The following NEURL3 variants were observed in gnomAD, a reference collection of about 807,000 sequenced individuals.
The protein encoded by NEURL3 is neuralized E3 ubiquitin protein ligase 3, also known as E3 ubiquitin-protein ligase NEURL3.
In NEURL3, 19 loss-of-function variants were observed where a neutral mutation model predicts 17.6. The ratio of observed to expected loss-of-function variants is 1.08; its 90% CI spans 0.75 to 1.58. NEURL3 has a LOEUF of 1.58. NEURL3 is among the 40% of genes most tolerant of loss of function. The pLI, the probability that NEURL3 is intolerant of heterozygous loss-of-function variation, is 0.00. For missense variants in NEURL3, 342 were observed against 379.6 expected, an observed-to-expected ratio of 0.90 and a Z score of 0.82; for synonymous variants, 180 against 161.4, an observed-to-expected ratio of 1.11 and a Z score of -0.87.
At chr2:96,507,604 G>A (rs982188201), upstream of NEURL3, among the ~76,000 whole-genome samples, 1 of 152,118 alleles carries the variant, frequency 6.6e-6, no homozygotes, top group African/African-American at 2.4e-5. Flanking sequence ...AGCTGGGACT[G>A]TGGCGCTCTC....
upstream of NEURL3, among the ~76,000 whole-genome samples, chr2:96,506,725 A>G (rs907125383): frequency 3.3e-5 from 5 of 152,250 alleles, no homozygotes; most frequent in African/African-American, 1.2e-4. Context: ...TTGTTAATAA[A>G]TCACACTCTC....
At chr2:96,499,319 C>A in intron 3 of NEURL3, 59 bp downstream of exon 3, 2 of 1,588,372 alleles carry the variant, frequency 1.3e-6, no homozygotes, top group African/African-American at 1.3e-5. Context: ...TGGGGCTTCT[C>A]CCTCCACTCC....
At chr2:96,507,575 C>T (rs1023615350), upstream of NEURL3, among the ~76,000 whole-genome samples, 5 of 152,238 alleles carry the variant, frequency 3.3e-5, no homozygotes, top group African/African-American at 1.2e-4. Context: ...AGCAACTCTC[C>T]TGCCTCAGCC....
chr2:96,502,385 G>A (rs2065517720), intron 1 of NEURL3, among the ~76,000 whole-genome samples: 1 of 152,224 alleles, frequency 6.6e-6, no homozygotes, highest in Admixed American at 6.5e-5. Flanking sequence ...CTCCATGGAG[G>A]GCAGTGGGAT....
At chr2:96,504,962 G>A (rs1443986351) in intron 1 of NEURL3, among the ~76,000 whole-genome samples, 1 of 151,818 alleles carries the variant, frequency 6.6e-6, no homozygotes, top group Non-Finnish European at 1.5e-5. Flanking sequence ...GTGGCCTCAG[G>A]TGAGGCTTGC....
chr2:96,499,482 G>C, intron 2 of NEURL3, 33 bp from the exon 3 acceptor site: 3 of 1,587,224 alleles, frequency 1.9e-6, no homozygotes, highest in African/African-American at 1.3e-5. Context: ...GGTCCAGGAC[G>C]GCAAGCCCAG....
chr2:96,505,319 T>C lies in NEURL3; in HGVS notation c.-33A>G. 1 of 1,598,800 alleles carries C rather than the reference T, an allele frequency of 6.3e-7. No individual in the cohort carries two copies. The highest frequency in any genetic ancestry group is 8.5e-7 in the Non-Finnish European group (1 of 1,179,596). The stretch of plus-strand genomic sequence containing the variant: ...AGGTCCTCGGGCACAGGTCCCCAGG[T>C]CTAGAAGGAACTGCCTGGAGAAGGC... On this transcript the variant is annotated 5_prime_UTR_variant, in exon 1 of 4. Coordinates refer to ENST00000451794, the MANE Select transcript of NEURL3 (RefSeq NM_001285485.2).
intron 1 of NEURL3, among the ~76,000 whole-genome samples, chr2:96,503,051 G>A (rs2065525194): frequency 6.6e-6 from 1 of 152,192 alleles, no homozygotes; most frequent in African/African-American, 2.4e-5. Flanking sequence ...TACCCTCTAG[G>A]CAGGTGCCCG....
intron 3 of NEURL3, chr2:96,499,128 T>A: frequency 8.0e-7 from 1 of 1,245,376 alleles, no homozygotes; most frequent in Non-Finnish European, 1.0e-6. Flanking sequence ...TGAATGTGGA[T>A]GATTTTTTAA....
Position 96,500,821 on chromosome 2 carries a change from G to T in NEURL3, c.132C>A (p.Phe44Leu), listed in dbSNP as rs777054785. The stretch of plus-strand genomic sequence containing the variant: ...GCTGGCTGAACACGATGCCGTCGTG[G>T]AACGTGGTGCGCCTGTGCGCGATGC... ...RGCIAHRRTT[F>L]HDGIVFSQRP... is the part of the protein sequence containing the mutation. Residue 44 changes from phenylalanine to leucine, a missense_variant, in exon 2 of 4, where the codon TTC (phenylalanine) becomes TTA (leucine). By Grantham distance (22) the Phe-to-Leu change is conservative (BLOSUM62 0). Coordinates refer to ENST00000451794, the MANE Select transcript of NEURL3 (RefSeq NM_001285485.2). 6.5e-7 allele frequency: 1 copy of T among 1,528,652 alleles called. No individual in the cohort carries two copies. Among genetic ancestry groups the T allele is most frequent in the East Asian group, 2.5e-5 (1 of 40,588 alleles). The allele number at this position is 1,528,652 out of a possible 1,614,324, so 94.7% of individuals were successfully genotyped here.
chr2:96,505,506 CG>C (rs1007532825), upstream of NEURL3: 5 of 599,478 alleles, frequency 8.3e-6, no homozygotes, highest in African/African-American at 9.3e-5. Context: ...TGGAGCTGGC[CG>C]GCCTAAGAGA....
At chr2:96,504,356 G>A (rs892001522) in intron 1 of NEURL3, among the ~76,000 whole-genome samples, 5 of 152,190 alleles carry the variant, frequency 3.3e-5, no homozygotes, top group South Asian at 4.1e-4. Flanking sequence ...GGATCCCAGC[G>A]CTGCTCCTGG....
In NEURL3 at chr2:96,498,432, C is replaced by T. The variant is rs564710687; in HGVS notation, c.601G>A (p.Glu201Lys). The T allele has an allele frequency of 7.3e-5, 117 of 1,597,344 alleles. 1 individual carries two copies. The South Asian group carries it at 1.2e-3, about 16-fold the overall frequency. Reference protein sequence around the residue: ...VPEPKATPGEECAICFYHAAN... With the variant: ...VPEPKATPGEKCAICFYHAAN... The stretch of plus-strand genomic sequence containing the variant: ...GCGTGATAGAAGCAGATGGCACACT[C>T]CTCTCCTGGTGTGGCTGGAAGAGGG... Residue 201 changes from glutamate to lysine, a missense_variant, in exon 4 of 4, where the codon GAG becomes AAG. By Grantham distance (56) the Glu-to-Lys change is moderately conservative. Coordinates refer to ENST00000451794, the MANE Select transcript of NEURL3 (RefSeq NM_001285485.2). The surrounding 1 kb of genome is among the most constrained non-coding windows in gnomAD (Gnocchi z 4.4).
chr2:96,506,679 C>A (rs2065563276), upstream of NEURL3, among the ~76,000 whole-genome samples: 1 of 152,270 alleles, frequency 6.6e-6, no homozygotes, highest in Admixed American at 6.5e-5. Context: ...TGCAGGCTGC[C>A]TTGGGTGGTT....
chr2:96,500,646 C>G lies in NEURL3; in HGVS notation c.307G>C (p.Glu103Gln), dbSNP rs1298834039. 6.6e-7 allele frequency: 1 copy of G among 1,519,096 alleles called. No individual in the cohort carries two copies. The highest frequency in any genetic ancestry group is 1.4e-5 in the African/African-American group (1 of 71,872). 94.1% of individuals were successfully genotyped at this position (1,519,096 alleles called of 1,614,324 possible). ...LPPFLCPDLE[E>Q]QSPTWAAVLP... ...ACGGCCGCCCACGTCGGGCTCTGCT[C>G]CTCCAGGTCGGGGCACAGGAAGGGC... The change falls in exon 2 of 4, where the codon GAG becomes CAG. Residue 103 changes from glutamate to glutamine, a missense_variant. Coordinates refer to ENST00000451794, the MANE Select transcript of NEURL3 (RefSeq NM_001285485.2).
At chr2:96,503,408 C>A (rs955027177) in intron 1 of NEURL3, among the ~76,000 whole-genome samples, 1 of 152,154 alleles carries the variant, frequency 6.6e-6, no homozygotes, top group African/African-American at 2.4e-5. Context: ...ATTCCGCAGC[C>A]GGGGCATCTA....
Position 96,500,419 on chromosome 2 carries a change from G to A in NEURL3, c.514+20C>T, listed in dbSNP as rs745618608. 1.3e-6 allele frequency: 2 copies of A among 1,596,418 alleles called. No homozygotes were observed. Among genetic ancestry groups the A allele is most frequent in the Admixed American group, 3.3e-5 (2 of 59,820 alleles). Reference sequence around the variant, plus strand: ...CCCCATCTCCCCACCTCCCCTGCGGGGTCCCCATGGTCGCCTCACCCAGCA... The same window carrying A: ...CCCCATCTCCCCACCTCCCCTGCGGAGTCCCCATGGTCGCCTCACCCAGCA... On this transcript the variant is annotated intron_variant, in intron 2 of 3. Coordinates refer to ENST00000451794, the MANE Select transcript of NEURL3 (RefSeq NM_001285485.2).
intron 1 of NEURL3, among the ~76,000 whole-genome samples, chr2:96,503,575 C>A (rs1466578049): frequency 6.6e-6 from 1 of 152,188 alleles, no homozygotes; most frequent in Admixed American, 6.5e-5. Flanking sequence ...TCACTGTGCA[C>A]CACCAAGGCT....
chr2:96,499,822 T>C (rs114238232), intron 2 of NEURL3, among the ~76,000 whole-genome samples: 2 of 152,030 alleles, frequency 1.3e-5, no homozygotes, highest in Non-Finnish European at 2.9e-5. Context: ...ACCCAGCAAA[T>C]CAGGTGCTTC....
Sources: gnomAD v4.1 joint callset for allele counts (sites outside exome capture counted in the v4.1 genomes callset) on GRCh38, gnomAD v4.1.1 for gene constraint, Gnocchi (gnomAD v3.1) non-coding constraint, MANE v1.5 for transcripts, NCBI Gene and HGNC (gene_info 2026-07-23, HGNC 2026-07-21) for gene names.